Variants in DCHS2 observed in about 807,000 individuals in gnomAD.
DCHS2 encodes the protein protocadherin-23.
Under a neutral mutation model 182.4 loss-of-function variants are expected in DCHS2, and 142 were observed. The ratio of observed to expected loss-of-function variants is 0.78; its 90% confidence interval spans 0.68 to 0.89. The LOEUF is 0.89. DCHS2 is among the 40% of genes least tolerant of loss of function. DCHS2 has a pLI of 0.00. For synonymous variants in DCHS2, 1,740 were observed against 1,663.3 expected (o/e 1.05, Z -1.12); for missense variants, 4,319 against 4,198.6 (o/e 1.03, Z -0.79).
intron 1 of DCHS2, among the ~76,000 whole-genome samples, chr4:154,378,019 T>C (rs577402017): frequency 7.2e-5 from 11 of 152,240 alleles, no homozygotes; most frequent in Non-Finnish European, 8.8e-5. Flanking sequence ...GAGTAATGTC[T>C]CAATCAGGGC....
chr4:154,440,184 A>G (rs1266070490), intron 1 of DCHS2, among the ~76,000 whole-genome samples: 1 of 152,182 alleles, frequency 6.6e-6, no homozygotes, highest in Non-Finnish European at 1.5e-5. Context: ...GGAGGAAAGG[A>G]CTAGAGTGAG....
intron 2 of DCHS2, among the ~76,000 whole-genome samples, chr4:154,368,100 A>G (rs951726279): frequency 2.0e-5 from 3 of 152,178 alleles, no homozygotes. Context: ...ACAAAGAACA[A>G]TGCAAGTTCA....
chr4:154,335,187 T>G, intron 3 of DCHS2, 83 bp from the exon 4 acceptor site: 2 of 887,384 alleles, frequency 2.3e-6, no homozygotes, highest in Non-Finnish European at 3.7e-6. Flanking sequence ...GTCTATTAAG[T>G]GTATTGTGAT....
chr4:154,370,158 G>GA (rs112488816), intron 2 of DCHS2, among the ~76,000 whole-genome samples: 2,088 of 151,416 alleles, frequency 0.014, 49 homozygotes, highest in African/African-American at 0.048. Context: ...TCTTAAAGGG[G>GA]AAAAAAAAGA....
At chr4:154,278,968 A>T (rs934538575) in intron 13 of DCHS2, among the ~76,000 whole-genome samples, 1 of 152,186 alleles carries the variant, frequency 6.6e-6, no homozygotes, top group Non-Finnish European at 1.5e-5. Flanking sequence ...AGGTAAATAT[A>T]ATATGGCAAT....
intron 10 of DCHS2, among the ~76,000 whole-genome samples, chr4:154,308,266 CA>C (rs1420928800): frequency 6.8e-6 from 1 of 147,114 alleles, no homozygotes; most frequent in Non-Finnish European, 1.5e-5. Context: ...AAAAAAAAAA[CA>C]AAAAACAAAG....
intron 1 of DCHS2, among the ~76,000 whole-genome samples, chr4:154,438,697 G>T (rs1733879173): frequency 6.6e-6 from 1 of 152,152 alleles, no homozygotes; most frequent in African/African-American, 2.4e-5. Flanking sequence ...CTTTCCAAAA[G>T]TCCTGCACAT....
chr4:154,311,474 A>G (rs1238559207), intron 10 of DCHS2, among the ~76,000 whole-genome samples: 1 of 152,016 alleles, frequency 6.6e-6, no homozygotes, highest in Non-Finnish European at 1.5e-5. Flanking sequence ...GCTTCAAGCA[A>G]TCCTCCCACC....
intron 1 of DCHS2, among the ~76,000 whole-genome samples, chr4:154,466,234 A>G (rs1579109433): frequency 6.6e-6 from 1 of 152,172 alleles, no homozygotes; most frequent in East Asian, 1.9e-4. Flanking sequence ...TGAGAGAAAC[A>G]AGGTGATTCT....
intron 1 of DCHS2, among the ~76,000 whole-genome samples, chr4:154,420,833 A>G (rs1733081665): frequency 6.6e-6 from 1 of 152,136 alleles, no homozygotes; most frequent in African/African-American, 2.4e-5. Context: ...CCTAAAATTA[A>G]CCATCACACC....
At chr4:154,443,690 TC>T (rs1374354184) in intron 1 of DCHS2, among the ~76,000 whole-genome samples, 1 of 152,202 alleles carries the variant, frequency 6.6e-6, no homozygotes. Flanking sequence ...ATAGGCATCA[TC>T]AATTGTTCCC....
intron 1 of DCHS2, among the ~76,000 whole-genome samples, chr4:154,488,700 C>T (rs1430233775): frequency 3.3e-5 from 5 of 151,944 alleles, no homozygotes; most frequent in African/African-American, 4.8e-5. Flanking sequence ...GTCAGGAGTT[C>T]GAGACCAGCC....
At chr4:154,428,368 C>G (rs1733419597) in intron 1 of DCHS2, among the ~76,000 whole-genome samples, 1 of 151,744 alleles carries the variant, frequency 6.6e-6, no homozygotes, top group Non-Finnish European at 1.5e-5. Context: ...AGTGAGACCC[C>G]CCATCTCTAC....
chr4:154,364,782 G>T (rs968309206), intron 3 of DCHS2, among the ~76,000 whole-genome samples: 1 of 152,118 alleles, frequency 6.6e-6, no homozygotes, highest in African/African-American at 2.4e-5. Flanking sequence ...AAAGCATGTT[G>T]TGAAGATCCA....
At position 154,430,283 on chromosome 4, in the gene DCHS2, C is replaced by G. The variant is rs528062764; in HGVS notation, c.2053-52839G>C. ...TGCCACTGAAATATTAGGCCATACC[C>G]TACAGCCATGAAAAGTTTTCAGAGT... On this transcript the variant is annotated intron_variant, in intron 1 of 19. Coordinates refer to ENST00000357232, the MANE Select transcript of DCHS2 (RefSeq NM_001358235.2). Among the ~76,000 whole-genome samples the G allele has an allele frequency of 2.6e-5, 4 of 152,318 alleles. No individual in the cohort carries two copies. The East Asian group carries it at 7.7e-4, about 29-fold the overall frequency.
chr4:154,389,537 A>ATATATATATATATATATATATAG (rs1561084874), intron 1 of DCHS2, among the ~76,000 whole-genome samples: 1 of 56,750 alleles, frequency 1.8e-5, no homozygotes, highest in Non-Finnish European at 4.8e-5. Flanking sequence ...TATATATATA[A>ATATATATATATATATATATATAG]CCTTTTTTTA....
At chr4:154,383,957 A>T (rs1466593390) in intron 1 of DCHS2, among the ~76,000 whole-genome samples, 1 of 152,218 alleles carries the variant, frequency 6.6e-6, no homozygotes, top group Non-Finnish European at 1.5e-5. Flanking sequence ...TTCTTATTAC[A>T]ATTTCCAGTT....
chr4:154,378,018 C>T (rs1008220156), intron 1 of DCHS2, among the ~76,000 whole-genome samples: 1 of 152,144 alleles, frequency 6.6e-6, no homozygotes, highest in African/African-American at 2.4e-5. Context: ...GGAGTAATGT[C>T]TCAATCAGGG....
At chr4:154,467,441 C>A (rs1434173193) in intron 1 of DCHS2, among the ~76,000 whole-genome samples, 3 of 152,004 alleles carry the variant, frequency 2.0e-5, no homozygotes, top group Non-Finnish European at 4.4e-5. Context: ...GGCTTTAACT[C>A]TAAATACATA....
Sources: allele counts gnomAD v4.1 joint callset (sites outside exome capture counted in the v4.1 genomes callset), GRCh38; gene constraint gnomAD v4.1.1; transcripts MANE v1.5; gene names NCBI Gene and HGNC (gene_info 2026-07-23, HGNC 2026-07-21).